The following DERL1 variants were observed in gnomAD, a reference collection of about 807,000 sequenced individuals.
The protein encoded by DERL1 is derlin 1.
Under a neutral mutation model 41.6 loss-of-function variants are expected in DERL1, and 24 were observed. The observed-to-expected ratio is 0.58, with a 90% CI of 0.42 to 0.81. The LOEUF (loss-of-function observed/expected upper bound fraction) is 0.81. DERL1 is among the 30% of genes least tolerant of loss of function. The probability of loss-of-function intolerance (pLI) is 0.00; values close to 1 mark genes in which losing one functional copy is unlikely to be tolerated. For missense variants in DERL1, 260 were observed against 314.3 expected (o/e 0.83, Z 1.31); for synonymous variants, 124 against 112.5 (o/e 1.10, Z -0.65).
intron 1 of DERL1, among the ~76,000 whole-genome samples, chr8:123,037,071 T>A (rs750365432): frequency 1.3e-5 from 2 of 152,170 alleles, no homozygotes; most frequent in Non-Finnish European, 2.9e-5. Flanking sequence ...CAATTACTAA[T>A]TAAAATTAGA....
intron 1 of DERL1, among the ~76,000 whole-genome samples, chr8:123,034,993 T>C (rs1361716515): frequency 6.6e-6 from 1 of 152,262 alleles, no homozygotes; most frequent in Non-Finnish European, 1.5e-5. Context: ...GGTGTGTTAA[T>C]TGTATTATCA....
In DERL1 at chr8:123,022,694, G is replaced by C. The variant is rs1812592077; in HGVS notation, c.443C>G (p.Thr148Arg). ...ACCAAGGCAAAGTACCTTAAATCGT[G>C]TTCCAAACCAAAATGATACAATCAT... ...RDMIVSFWFG[T>R]RFKACYLPWV... The change falls in exon 5 of 8, where the codon ACA becomes AGA. Residue 148 changes from threonine (T) to arginine (R), a missense_variant. Physicochemically the swap from Thr to Arg is moderately conservative, Grantham distance 71 (BLOSUM62 -1). Coordinates refer to ENST00000259512, the MANE Select transcript of DERL1 (RefSeq NM_024295.6). 1.2e-6 allele frequency: 2 copies of C among 1,614,070 alleles called. No individual in the cohort carries two copies. The highest frequency in any genetic ancestry group is 1.7e-6 in the Non-Finnish European group (2 of 1,179,954).
Position 123,019,185 on chromosome 8 carries a change from A to C in DERL1, c.617+10T>G. On this transcript the variant is annotated intron_variant, in intron 7 of 7. Transcript: ENST00000259512. ...TAAAATGTTAGATGAGACAGGACAA[A>C]AACACTTACAAAAACTGAGGTGTGG... 2.5e-6 allele frequency: 4 copies of C among 1,572,186 alleles called. No homozygotes were observed. The highest frequency in any genetic ancestry group is 3.5e-6 in the Non-Finnish European group (4 of 1,142,006).
intron 6 of DERL1, among the ~76,000 whole-genome samples, chr8:123,020,045 A>G (rs772044214): frequency 4.6e-5 from 7 of 152,244 alleles, no homozygotes; most frequent in Admixed American, 6.5e-5. Context: ...GCTTTGCTCT[A>G]AACAGTCTGC....
chr8:123,023,810 T>C (rs1476643916), intron 3 of DERL1, 71 bp from the exon 4 acceptor site: 1 of 1,535,574 alleles, frequency 6.5e-7, no homozygotes, highest in African/African-American at 1.4e-5. Flanking sequence ...TGTGGTTATT[T>C]TCCTCCCATT....
chr8:123,042,030 G>A lies in DERL1; in HGVS notation c.93C>T (p.Leu31=). 1.2e-6 allele frequency: 2 copies of A among 1,613,916 alleles called. No individual in the cohort carries two copies. Among genetic ancestry groups the A allele is most frequent in the South Asian group, 1.1e-5 (1 of 91,054 alleles). ...ATVAVPLVGK[L]GLISPAYLFL... ...AGAGGTAGGCCGGGCTGATGAGGCCGAGTTTGCCGACCAAGGGCACGGCGA... is the reference window on the plus strand; with the variant it reads ...AGAGGTAGGCCGGGCTGATGAGGCCAAGTTTGCCGACCAAGGGCACGGCGA... Residue 31 remains leucine (L), a synonymous_variant, in exon 1 of 8, where the codon CTC becomes CTT. Transcript: ENST00000259512.
In DERL1 at chr8:123,030,261, T is replaced by G. The variant is rs574459801; in HGVS notation, c.265+344A>C. ...TATATACTCCAGCCCAATTCTGCAC[T>G]GAAGGACAAGGACTGCTGCAAAAGA... On this transcript the variant is annotated intron_variant, in intron 2 of 7. Coordinates refer to ENST00000259512, the MANE Select transcript of DERL1 (RefSeq NM_024295.6). The G allele has an allele frequency of 1.8e-4, 33 of 186,374 alleles. No homozygotes were observed. The Admixed American group carries it at 2.0e-3, about 11-fold the overall frequency. 11.5% of individuals were successfully genotyped at this position (186,374 alleles called of 1,614,324 possible).
At chr8:123,028,063 CA>C (rs35730113) in intron 2 of DERL1, among the ~76,000 whole-genome samples, 52,584 of 101,372 alleles carry the variant, frequency 0.52, 10,409 homozygotes, top group East Asian at 0.65. Flanking sequence ...AACTGTATCT[CA>C]AAAAAAAAAA....
At chr8:123,040,919 T>G (rs1320276291) in intron 1 of DERL1, among the ~76,000 whole-genome samples, 1 of 152,228 alleles carries the variant, frequency 6.6e-6, no homozygotes, top group African/African-American at 2.4e-5. Context: ...CAAGTCGTGA[T>G]TTCAAGTAAC....
At chr8:123,019,684 C>T (rs1421903264) in intron 6 of DERL1, among the ~76,000 whole-genome samples, 1 of 152,184 alleles carries the variant, frequency 6.6e-6, no homozygotes, top group Non-Finnish European at 1.5e-5. Flanking sequence ...AACATGAAGG[C>T]TACCAAGAGA....
chr8:123,042,218 G>C lies in DERL1; in HGVS notation c.-96C>G. The C allele has an allele frequency of 1.4e-6, 2 of 1,406,050 alleles. No homozygotes were observed. The highest frequency in any genetic ancestry group is 1.9e-6 in the Non-Finnish European group (2 of 1,075,476). 87.1% of individuals were successfully genotyped at this position (1,406,050 alleles called of 1,614,324 possible). A position where few individuals can be genotyped will look rare whatever the true frequency, so the allele number is the denominator to read the frequency against. Reference sequence around the variant, plus strand: ...CGGCTCCGCGACTGTTAGGTGTCTAGGTGGAAGCCGCCGAAGCCGCGATGC... The same window carrying C: ...CGGCTCCGCGACTGTTAGGTGTCTACGTGGAAGCCGCCGAAGCCGCGATGC... On this transcript the variant is annotated 5_prime_UTR_variant, in exon 1 of 8. Transcript: ENST00000259512.
At position 123,013,261 on chromosome 8, in the gene DERL1, C is replaced by T. The variant is rs1814460689; in HGVS notation, c.*2186G>A. ...AAAAATACTGGGTACTTCCTAAATGCTCTTCAAGAGATAATTGGTTACACA... is the reference window on the plus strand; with the variant it reads ...AAAAATACTGGGTACTTCCTAAATGTTCTTCAAGAGATAATTGGTTACACA... On this transcript the variant is annotated 3_prime_UTR_variant, in exon 8 of 8. Transcript: ENST00000259512. The T allele has an allele frequency of 6.6e-6, 1 of 152,158 alleles. No homozygotes were observed. Among genetic ancestry groups the T allele is most frequent in the Non-Finnish European group, 1.5e-5 (1 of 68,032 alleles). 9.4% of individuals were successfully genotyped at this position (152,158 alleles called of 1,614,324 possible).
chr8:123,019,101 T>C (rs974016228), intron 7 of DERL1, 94 bp downstream of exon 7: 13 of 840,706 alleles, frequency 1.5e-5, no homozygotes, highest in African/African-American at 1.7e-5. Flanking sequence ...AGATGGGGCA[T>C]AGGGGTAAAT....
chr8:123,027,985 C>G lies in DERL1; in HGVS notation c.265+2620G>C, dbSNP rs180804920. Among the ~76,000 whole-genome samples, 255 of 151,638 alleles carry G rather than the reference C, an allele frequency of 1.7e-3. 1 individual carries two copies. The highest frequency in any genetic ancestry group is 2.8e-3 in the Non-Finnish European group (193 of 67,930). On this transcript the variant is annotated intron_variant, in intron 2 of 7. Transcript: ENST00000259512. ...CCTGAGGCACAAGAATCACTTGAAC[C>G]CAGGAGGCAGAGGTTGCAGTGAGCT... is the stretch of plus-strand genomic sequence containing the variant.
chr8:123,021,732 C>T (rs967663624), intron 5 of DERL1, among the ~76,000 whole-genome samples: 5 of 152,118 alleles, frequency 3.3e-5, no homozygotes, highest in African/African-American at 1.2e-4. Flanking sequence ...AGTACTTTGC[C>T]CACAGGTCTG....
chr8:123,038,214 G>GTTAAT (rs1382417206), intron 1 of DERL1, among the ~76,000 whole-genome samples: 1 of 152,144 alleles, frequency 6.6e-6, no homozygotes, highest in African/African-American at 2.4e-5. Flanking sequence ...CCCCATTTTT[G>GTTAAT]TAAGTTGTGA....
intron 3 of DERL1, among the ~76,000 whole-genome samples, chr8:123,024,566 T>C (rs1812639200): frequency 6.6e-6 from 1 of 152,212 alleles, no homozygotes; most frequent in African/African-American, 2.4e-5. Flanking sequence ...ACTGAATTAC[T>C]ATGTAGGACC....
At chr8:123,018,955 G>A in intron 7 of DERL1, 1 of 502,342 alleles carries the variant, frequency 2.0e-6, no homozygotes, top group Non-Finnish European at 3.6e-6. Flanking sequence ...GATGCCTCCT[G>A]TAATGTTGGA....
chr8:123,032,788 T>C (rs1266855431), intron 1 of DERL1, among the ~76,000 whole-genome samples: 1 of 152,158 alleles, frequency 6.6e-6, no homozygotes, highest in East Asian at 1.9e-4. Context: ...CTCTTTTACA[T>C]GTAGGTCTAT....
Sources: allele counts gnomAD v4.1 joint callset (sites outside exome capture counted in the v4.1 genomes callset), GRCh38; gene constraint gnomAD v4.1.1; transcripts MANE v1.5; gene names NCBI Gene and HGNC (gene_info 2026-07-23, HGNC 2026-07-21).